The following TET2 variants were observed in gnomAD, a reference collection of about 807,000 sequenced individuals.
The protein encoded by TET2 is methylcytosine dioxygenase TET2.
Under a neutral mutation model 142.9 loss-of-function variants are expected in TET2, and 299 were observed. The observed-to-expected ratio is 2.09, with a 90% confidence interval of 1.90 to 2.30. The LOEUF (loss-of-function observed/expected upper bound fraction) is 2.30. Among genes scored for constraint, TET2 ranks in the 30% most tolerant of loss-of-function variants. TET2 has a pLI of 0.00. For synonymous variants in TET2, 819 were observed against 849.0 expected, an observed-to-expected ratio of 0.96 and a Z score of 0.61; for missense variants, 2,418 against 2,378.0, an observed-to-expected ratio of 1.02 and a Z score of -0.35.
chr4:105,264,864 C>T (rs367760346), intron 8 of TET2, among the ~76,000 whole-genome samples: 14 of 152,226 alleles, frequency 9.2e-5, no homozygotes, highest in South Asian at 8.3e-4. Context: ...AACTGAGTGT[C>T]GTATCTCTAT....
At position 105,279,359 on chromosome 4, in the gene TET2, A is replaced by G. The variant is rs1731356861; in HGVS notation, c.*2840A>G. Reference sequence around the variant, plus strand: ...GCATATTGTAAATATCAGATCTATAATTGTAAATATAAAACCTGCCTCAGT... The same window carrying G: ...GCATATTGTAAATATCAGATCTATAGTTGTAAATATAAAACCTGCCTCAGT... On this transcript the variant is annotated 3_prime_UTR_variant, in exon 11 of 11. Transcript: ENST00000380013. The G allele has an allele frequency of 4.3e-6, 1 of 232,268 alleles. No homozygotes were observed. The highest frequency in any genetic ancestry group is 8.5e-6 in the Non-Finnish European group (1 of 117,534). 14.4% of individuals were successfully genotyped at this position (232,268 alleles called of 1,614,324 possible).
chr4:105,273,318 C>CA (rs1256619740), intron 10 of TET2, among the ~76,000 whole-genome samples: 2 of 152,168 alleles, frequency 1.3e-5, no homozygotes, highest in Non-Finnish European at 2.9e-5. Context: ...GATATTGCAC[C>CA]ATCAACATGG....
chr4:105,271,191 G>C (rs1286409164), intron 9 of TET2, among the ~76,000 whole-genome samples: 3 of 152,110 alleles, frequency 2.0e-5, no homozygotes, highest in African/African-American at 4.8e-5. Context: ...CAAGCTGTGA[G>C]GCACATTAGC....
chr4:105,244,914 C>T (rs1206839204), intron 6 of TET2, among the ~76,000 whole-genome samples: 1 of 152,146 alleles, frequency 6.6e-6, no homozygotes, highest in Non-Finnish European at 1.5e-5. Flanking sequence ...TTATTTTGCC[C>T]ACGATTGGTT....
At position 105,234,655 on chromosome 4, in the gene TET2, T is replaced by C. The variant is rs1728724400; in HGVS notation, c.713T>C (p.Val238Ala). 3.1e-6 allele frequency: 5 copies of C among 1,613,988 alleles called. No homozygotes were observed. The South Asian group carries it at 4.4e-5, about 14-fold the overall frequency. ...CTGTCTCAATATTATCCAGATTGTGTTTCCATTGCGGTGCAGAAAACCACA... is the reference window on the plus strand; with the variant it reads ...CTGTCTCAATATTATCCAGATTGTGCTTCCATTGCGGTGCAGAAAACCACA... ...KTLSQYYPDC[V>A]SIAVQKTTSH... Residue 238 changes from valine to alanine, a missense_variant, in exon 3 of 11, where the codon GTT becomes GCT. Physicochemically the swap from Val to Ala is moderately conservative, Grantham distance 64. Transcript: ENST00000380013.
rs1343004322 is a variant in TET2, at chr4:105,279,612, C to CT, written c.*3099dup. The CT allele has an allele frequency of 4.3e-6, 1 of 231,674 alleles. No homozygotes were observed. The highest frequency in any genetic ancestry group is 8.5e-6 in the Non-Finnish European group (1 of 117,274). The allele number at this position is 231,674 out of a possible 1,614,324, so 14.4% of individuals were successfully genotyped here. ...TAACTTCTGTGTGCATTTTTCTATG[C>CT]TTTTTTAAAAACTAGTTTCATTTCA... On this transcript the variant is annotated 3_prime_UTR_variant, in exon 11 of 11. Transcript: ENST00000380013.
chr4:105,253,894 T>G (rs1272512493), intron 6 of TET2, among the ~76,000 whole-genome samples: 1 of 152,208 alleles, frequency 6.6e-6, no homozygotes, highest in East Asian at 1.9e-4. Context: ...CAGTGTTGGA[T>G]TTTGTAAATA....
At chr4:105,196,584 CTT>C (rs1726108410) in intron 2 of TET2, among the ~76,000 whole-genome samples, 2 of 152,170 alleles carry the variant, frequency 1.3e-5, no homozygotes, top group African/African-American at 2.4e-5. Flanking sequence ...ATTTGTAAAT[CTT>C]TACCGTGACA....
Position 105,237,194 on chromosome 4 carries a change from A to C in TET2, c.3252A>C (p.Gln1084His), listed in dbSNP as rs1728999076. The stretch of plus-strand genomic sequence containing the variant: ...GCCACACCCCAGCTTTAGAGCAGCA[A>C]ACAACTTCTTCAGAAAAGACACCAA... ...LDSHTPALEQ[Q>H]TTSSEKTPTK... Residue 1084 changes from glutamine (Q) to histidine (H), a missense_variant, in exon 3 of 11, where the codon CAA (glutamine) becomes CAC (histidine). By Grantham distance (24) the Gln-to-His change is conservative. Transcript: ENST00000380013. 6.2e-7 allele frequency: 1 copy of C among 1,614,136 alleles called. No individual in the cohort carries two copies. The highest frequency in any genetic ancestry group is 8.5e-7 in the Non-Finnish European group (1 of 1,180,000).
chr4:105,195,961 C>G (rs1264523430), intron 2 of TET2, among the ~76,000 whole-genome samples: 1 of 152,160 alleles, frequency 6.6e-6, no homozygotes, highest in Admixed American at 6.5e-5. Flanking sequence ...TGTGCACACT[C>G]ACACACAATA....
At chr4:105,249,473 A>G (rs1729755829) in intron 6 of TET2, among the ~76,000 whole-genome samples, 1 of 152,212 alleles carries the variant, frequency 6.6e-6, no homozygotes. Context: ...TAGGAGTGAC[A>G]TTGTTAGTAA....
At chr4:105,197,711 A>AT (rs1161511522) in intron 2 of TET2, among the ~76,000 whole-genome samples, 1 of 152,356 alleles carries the variant, frequency 6.6e-6, no homozygotes, top group South Asian at 2.1e-4. Flanking sequence ...CCCACATCAA[A>AT]TGTAGAATTA....
In TET2 at chr4:105,234,254, TG is replaced by T; in HGVS notation, c.315del (p.Leu106SerfsTer7). 1.9e-6 allele frequency: 3 copies of T among 1,614,140 alleles called. No homozygotes were observed. The highest frequency in any genetic ancestry group is 2.5e-6 in the Non-Finnish European group (3 of 1,179,998). On this transcript the variant is annotated frameshift_variant, in exon 3 of 11. Transcript: ENST00000380013. LOFTEE classifies it high-confidence loss of function. Reference protein sequence around the residue: ...KRTVSEPSLSGLLQIKKLKQD... With the variant: ...KRTVSEPSLSXLLQIKKLKQD... Reference sequence around the variant, plus strand: ...GCACAGTTAGTGAACCTTCTCTCTCTGGGCTCCTTCAGATCAAGAAATTGAA... The same window carrying T: ...GCACAGTTAGTGAACCTTCTCTCTCTGGCTCCTTCAGATCAAGAAATTGAA...
At chr4:105,227,584 G>A (rs1248359450) in intron 2 of TET2, among the ~76,000 whole-genome samples, 1 of 129,250 alleles carries the variant, frequency 7.7e-6, no homozygotes, top group Admixed American at 7.0e-5. Flanking sequence ...GTTCTCTGGT[G>A]TAAGAAAAAA....
intron 1 of TET2, among the ~76,000 whole-genome samples, chr4:105,176,878 C>T (rs367847994): frequency 6.6e-6 from 1 of 152,050 alleles, no homozygotes; most frequent in East Asian, 1.9e-4. Context: ...CTATAAAGCT[C>T]AGATAATCAA....
Position 105,234,525 on chromosome 4 carries a change from A to G in TET2, c.583A>G (p.Lys195Glu), listed in dbSNP as rs769296078. 3.1e-6 allele frequency: 5 copies of G among 1,614,018 alleles called. No homozygotes were observed. In the African/African-American group the frequency reaches 6.7e-5, roughly 22 times the overall value. Residue 195 changes from lysine (K) to glutamate (E), a missense_variant, in exon 3 of 11, where the codon AAG (lysine) becomes GAG (glutamate). By Grantham distance (56) the Lys-to-Glu change is moderately conservative (BLOSUM62 1). Coordinates refer to ENST00000380013, the MANE Select transcript of TET2 (RefSeq NM_001127208.3). ...GGGGAAAAGTGCTAATTACCATGAC[A>G]AGAACATTGTATTACTTAAAAACAA... ...QEGKSANYHD[K>E]NIVLLKNKAV...
chr4:105,256,854 A>G (rs1730159804), intron 6 of TET2, among the ~76,000 whole-genome samples: 4 of 152,022 alleles, frequency 2.6e-5, no homozygotes, highest in Admixed American at 1.3e-4. Context: ...CAACTCTGCT[A>G]TTGAACCCCT....
chr4:105,268,569 G>A (rs539510711), intron 8 of TET2, among the ~76,000 whole-genome samples: 2 of 152,220 alleles, frequency 1.3e-5, no homozygotes, highest in South Asian at 4.1e-4. Context: ...GAAATGCAAA[G>A]GACTTGGAAT....
At chr4:105,204,234 T>TACACACACAC (rs763239434) in intron 2 of TET2, among the ~76,000 whole-genome samples, 63 of 125,954 alleles carry the variant, frequency 5.0e-4, no homozygotes, top group Middle Eastern at 8.4e-3. Flanking sequence ...AAAAAATATA[T>TACACACACAC]ACACACACAC....
Sources: allele counts gnomAD v4.1 joint callset (sites outside exome capture counted in the v4.1 genomes callset), GRCh38; gene constraint gnomAD v4.1.1; transcripts MANE v1.5; gene names NCBI Gene and HGNC (gene_info 2026-07-23, HGNC 2026-07-21).